The following IKZF2 variants were observed in gnomAD, a reference collection of about 807,000 sequenced individuals.
The protein encoded by IKZF2 is zinc finger protein Helios.
IKZF2 carries 15 observed loss-of-function variants against 49.2 expected under a neutral mutation model. The ratio of observed to expected loss-of-function variants is 0.30; its 90% CI spans 0.20 to 0.47. IKZF2 has a LOEUF of 0.47. Ranked by LOEUF, IKZF2 falls within the 20% of genes least tolerant of loss-of-function variation. The pLI is 1.00. For synonymous variants in IKZF2, 227 were observed against 221.4 expected (o/e 1.03, Z -0.23); for missense variants, 567 against 664.6 (o/e 0.85, Z 1.61).
chr2:213,150,703 G>GGC (rs1491229291), intron 1 of IKZF2, among the ~76,000 whole-genome samples: 1 of 66,210 alleles, frequency 1.5e-5, no homozygotes, highest in African/African-American at 1.0e-4. Flanking sequence ...TGAAAGAAAA[G>GGC]GGGGGGGGGG....
intron 6 of IKZF2, among the ~76,000 whole-genome samples, chr2:213,044,790 G>A (rs907992451): frequency 5.9e-5 from 9 of 152,132 alleles, no homozygotes; most frequent in Non-Finnish European, 1.3e-4. Context: ...AGGCAAATAA[G>A]GCTGAAGACC....
intron 4 of IKZF2, among the ~76,000 whole-genome samples, chr2:213,098,863 A>T (rs1254436020): frequency 6.6e-6 from 1 of 152,132 alleles, no homozygotes; most frequent in Non-Finnish European, 1.5e-5. Context: ...AGATCCAACT[A>T]ACAAAATCCA....
At chr2:213,067,745 G>A (rs1702296067) in intron 4 of IKZF2, among the ~76,000 whole-genome samples, 1 of 151,984 alleles carries the variant, frequency 6.6e-6, no homozygotes, top group South Asian at 2.1e-4. Context: ...ACTAGTGAAA[G>A]GTATGCATAT....
intron 6 of IKZF2, among the ~76,000 whole-genome samples, chr2:213,026,532 A>G (rs1390870685): frequency 6.6e-6 from 1 of 152,152 alleles, no homozygotes; most frequent in Non-Finnish European, 1.5e-5. Context: ...TTTATGAATG[A>G]TATAATTTCC....
intron 5 of IKZF2, among the ~76,000 whole-genome samples, chr2:213,052,709 A>G (rs1234504483): frequency 6.6e-6 from 1 of 152,114 alleles, no homozygotes. Context: ...GAATAATCCA[A>G]ATATAGAAGT....
chr2:213,029,918 C>A (rs1698227630), intron 6 of IKZF2, among the ~76,000 whole-genome samples: 1 of 152,044 alleles, frequency 6.6e-6, no homozygotes, highest in Admixed American at 6.5e-5. Flanking sequence ...ATTTGTATTT[C>A]TTTTACACTT....
intron 4 of IKZF2, among the ~76,000 whole-genome samples, chr2:213,102,708 GAAT>G (rs71725511): frequency 0.04 from 6,047 of 151,882 alleles, 251 homozygotes; most frequent in African/African-American, 0.11. Context: ...TGAATTTATA[GAAT>G]AATATGTTGA....
chr2:213,102,346 A>C (rs1574849915), intron 4 of IKZF2, among the ~76,000 whole-genome samples: 1 of 152,262 alleles, frequency 6.6e-6, no homozygotes, highest in East Asian at 1.9e-4. Flanking sequence ...AGAAAAAGAA[A>C]GTGGAAAAAG....
chr2:213,074,887 G>T (rs922428467), intron 4 of IKZF2, among the ~76,000 whole-genome samples: 1 of 152,094 alleles, frequency 6.6e-6, no homozygotes, highest in Non-Finnish European at 1.5e-5. Flanking sequence ...GTTATTAAAC[G>T]TAAGCCTAAA....
At chr2:213,143,918 A>G (rs1011853921) in intron 4 of IKZF2, among the ~76,000 whole-genome samples, 1 of 152,002 alleles carries the variant, frequency 6.6e-6, no homozygotes, top group African/African-American at 2.4e-5. Context: ...TTGTAGAGAT[A>G]GCAGTTATCT....
At chr2:213,096,909 A>C (rs1360470034) in intron 4 of IKZF2, among the ~76,000 whole-genome samples, 1 of 152,062 alleles carries the variant, frequency 6.6e-6, no homozygotes, top group Admixed American at 6.6e-5. Context: ...CATCATTTAT[A>C]ATATGGTGAG....
intron 8 of IKZF2, among the ~76,000 whole-genome samples, chr2:213,009,895 T>C (rs574213612): frequency 2.6e-5 from 4 of 152,142 alleles, no homozygotes; most frequent in African/African-American, 9.6e-5. Flanking sequence ...CAAGAGGGCA[T>C]CACTTATAAA....
intron 4 of IKZF2, among the ~76,000 whole-genome samples, chr2:213,089,478 A>C (rs1367979927): frequency 1.3e-5 from 2 of 152,060 alleles, no homozygotes; most frequent in Non-Finnish European, 2.9e-5. Flanking sequence ...CCCCATACAG[A>C]TCTCTCCCCT....
chr2:213,062,050 A>T (rs1648772477), intron 4 of IKZF2, among the ~76,000 whole-genome samples: 1 of 151,576 alleles, frequency 6.6e-6, no homozygotes, highest in South Asian at 2.1e-4. Flanking sequence ...CTCAATTTTT[A>T]AAATTTTTAA....
At chr2:213,119,575 C>T (rs985432387) in intron 4 of IKZF2, among the ~76,000 whole-genome samples, 1 of 152,182 alleles carries the variant, frequency 6.6e-6, no homozygotes, top group African/African-American at 2.4e-5. Flanking sequence ...ACAGATGACA[C>T]ACATAAGGAA....
rs1449613314 is a variant in IKZF2 at position 213,005,301 on chromosome 2, A to G, written c.*2059T>C. ...AAAAATGAAATGGTTGACATTCTAT[A>G]TATCTCTGTTTTGGTGCATTCCCTT... On this transcript the variant is annotated 3_prime_UTR_variant, in exon 9 of 9. Transcript: ENST00000434687. The G allele has an allele frequency of 6.6e-6, 1 of 151,348 alleles. No homozygotes were observed. The highest frequency in any genetic ancestry group is 1.5e-5 in the Non-Finnish European group (1 of 67,854). The allele number at this position is 151,348 out of a possible 1,614,324, so 9.4% of individuals were successfully genotyped here.
chr2:213,081,472 G>C (rs1181613716), intron 4 of IKZF2, among the ~76,000 whole-genome samples: 1 of 152,116 alleles, frequency 6.6e-6, no homozygotes, highest in East Asian at 1.9e-4. Flanking sequence ...CAAATAATGA[G>C]AATATGGCAT....
intron 4 of IKZF2, among the ~76,000 whole-genome samples, chr2:213,126,119 C>T (rs2060251201): frequency 6.6e-6 from 1 of 152,122 alleles, no homozygotes; most frequent in Admixed American, 6.6e-5. Flanking sequence ...TCTTTAGCCC[C>T]ACACTATGTC....
chr2:213,017,367 C>T (rs991453507), intron 7 of IKZF2, among the ~76,000 whole-genome samples: 3 of 152,138 alleles, frequency 2.0e-5, no homozygotes, highest in African/African-American at 7.2e-5. Context: ...TTTTATTTGC[C>T]TATTTCATGG....
Sources: gnomAD v4.1 joint callset for allele counts (sites outside exome capture counted in the v4.1 genomes callset) on GRCh38, gnomAD v4.1.1 for gene constraint, MANE v1.5 for transcripts, NCBI Gene and HGNC (gene_info 2026-07-23, HGNC 2026-07-21) for gene names.